The following TMEM154 variants were observed in gnomAD, a reference collection of about 807,000 sequenced individuals.
TMEM154 encodes the protein transmembrane protein 154.
In TMEM154, 27 loss-of-function variants were observed where a neutral mutation model predicts 24.5. That is an observed-to-expected ratio of 1.10 (90% CI 0.81 to 1.52). The LOEUF (loss-of-function observed/expected upper bound fraction) is 1.52, where lower values mean the gene tolerates loss of function less well. TMEM154 is among the 40% of genes most tolerant of loss of function. TMEM154 has a pLI of 0.00. For synonymous variants in TMEM154, 67 were observed against 76.8 expected (o/e 0.87, Z 0.67); for missense variants, 228 against 213.4 (o/e 1.07, Z -0.43).
At chr4:152,643,035 G>T in intron 5 of TMEM154, 53 bp downstream of exon 5, 1 of 1,321,740 alleles carries the variant, frequency 7.6e-7, no homozygotes. Context: ...AGCTGTTGCA[G>T]CCTTCTGTTA....
intron 6 of TMEM154, 51 bp downstream of exon 6, chr4:152,640,870 TCCCAATC>T: frequency 7.1e-7 from 1 of 1,400,298 alleles, no homozygotes; most frequent in Non-Finnish European, 1.0e-6. Flanking sequence ...CCACCCTGGT[TCCCAATC>T]CCCCCGCCCC....
chr4:152,635,662 C>T (rs28570654), intron 6 of TMEM154, among the ~76,000 whole-genome samples: 3,411 of 152,238 alleles, frequency 0.022, 137 homozygotes, highest in African/African-American at 0.077. Context: ...TGAAGCAACT[C>T]CTTTTTATAA....
At chr4:152,634,633 C>T (rs1281266848) in intron 6 of TMEM154, among the ~76,000 whole-genome samples, 1 of 152,194 alleles carries the variant, frequency 6.6e-6, no homozygotes, top group Non-Finnish European at 1.5e-5. Context: ...AAAGTAAGTA[C>T]ATCTTCTCTC....
At chr4:152,656,078 C>T (rs1207652844) in intron 1 of TMEM154, among the ~76,000 whole-genome samples, 1 of 152,152 alleles carries the variant, frequency 6.6e-6, no homozygotes, top group Non-Finnish European at 1.5e-5. Flanking sequence ...CTGCTGCCAC[C>T]ATCATAGTTG....
At chr4:152,656,453 A>T (rs1728494332) in intron 1 of TMEM154, among the ~76,000 whole-genome samples, 1 of 152,044 alleles carries the variant, frequency 6.6e-6, no homozygotes, top group Non-Finnish European at 1.5e-5. Flanking sequence ...ACTAACAACC[A>T]CATCCTAAGC....
At chr4:152,633,804 T>C (rs1472045557) in intron 6 of TMEM154, among the ~76,000 whole-genome samples, 3 of 151,898 alleles carry the variant, frequency 2.0e-5, no homozygotes, top group Non-Finnish European at 4.4e-5. Context: ...TGAGACACTG[T>C]CTCTACAAAA....
intron 4 of TMEM154, among the ~76,000 whole-genome samples, chr4:152,643,424 A>C (rs1050650121): frequency 2.0e-5 from 3 of 152,242 alleles, no homozygotes; most frequent in Admixed American, 2.0e-4. Flanking sequence ...AGTGGACAAA[A>C]AAGGGAACCC....
At position 152,622,745 on chromosome 4, in the gene TMEM154, T is replaced by C. The variant is rs187570308; in HGVS notation, c.*5801A>G. 22 of 152,362 alleles carry C rather than the reference T, an allele frequency of 1.4e-4. No individual in the cohort carries two copies. In the East Asian group the frequency reaches 3.9e-3, roughly 27 times the overall value. 9.4% of individuals were successfully genotyped at this position (152,362 alleles called of 1,614,324 possible). A position where few individuals can be genotyped will look rare whatever the true frequency, so the allele number is the denominator to read the frequency against. On this transcript the variant is annotated 3_prime_UTR_variant, in exon 7 of 7. Transcript: ENST00000304385. Reference sequence around the variant, plus strand: ...AATACTATACATATTATTCTCAGTATGCAAAGTAGGAGAAAAACACCTAAA... The same window carrying C: ...AATACTATACATATTATTCTCAGTACGCAAAGTAGGAGAAAAACACCTAAA...
At chr4:152,645,676 G>A (rs1371522510) in intron 3 of TMEM154, among the ~76,000 whole-genome samples, 1 of 152,192 alleles carries the variant, frequency 6.6e-6, no homozygotes, top group Non-Finnish European at 1.5e-5. Flanking sequence ...TGGAGAAATG[G>A]AGGTCCTCAG....
At chr4:152,653,617 A>G (rs1728434919) in intron 1 of TMEM154, among the ~76,000 whole-genome samples, 4 of 150,872 alleles carry the variant, frequency 2.7e-5, no homozygotes. Flanking sequence ...CTCGAACTCC[A>G]TGCCTCAAGT....
chr4:152,645,718 T>C (rs1283625893), intron 3 of TMEM154, among the ~76,000 whole-genome samples: 3 of 152,322 alleles, frequency 2.0e-5, no homozygotes, highest in East Asian at 3.9e-4. Flanking sequence ...CACCTGGAAC[T>C]GAGTTCCTGG....
chr4:152,643,580 G>C (rs1752298738), intron 4 of TMEM154, among the ~76,000 whole-genome samples: 1 of 152,334 alleles, frequency 6.6e-6, no homozygotes, highest in Non-Finnish European at 1.5e-5. Flanking sequence ...CAGTGCCCCA[G>C]GTCAAGAGGC....
intron 6 of TMEM154, among the ~76,000 whole-genome samples, chr4:152,630,895 A>T (rs748873807): frequency 3.0e-4 from 46 of 152,190 alleles, no homozygotes; most frequent in Non-Finnish European, 6.2e-4. Context: ...TCTCACTCTC[A>T]TTCACATGTA....
intron 3 of TMEM154, among the ~76,000 whole-genome samples, chr4:152,651,598 A>G (rs371363515): frequency 1.3e-5 from 2 of 152,136 alleles, no homozygotes; most frequent in Non-Finnish European, 2.9e-5. Context: ...CTTGCTCTGG[A>G]TTAGGCTTAG....
intron 1 of TMEM154, among the ~76,000 whole-genome samples, chr4:152,675,933 C>T (rs1240613589): frequency 6.6e-6 from 1 of 152,168 alleles, no homozygotes; most frequent in African/African-American, 2.4e-5. Flanking sequence ...GACTTTAAAG[C>T]TCATCCTCTC....
intron 3 of TMEM154, among the ~76,000 whole-genome samples, chr4:152,645,934 TACACACACACACACAC>T (rs10545647): frequency 1.4e-4 from 20 of 140,568 alleles, no homozygotes; most frequent in Middle Eastern, 7.2e-3. Context: ...GAAAGGAGAA[TACACACACACACACAC>T]ACACACACAC....
At chr4:152,632,356 G>A (rs2149777917) in intron 6 of TMEM154, among the ~76,000 whole-genome samples, 1 of 152,304 alleles carries the variant, frequency 6.6e-6, no homozygotes, top group South Asian at 2.1e-4. Context: ...GTTAATTCTA[G>A]TTTGATTCCA....
chr4:152,648,761 T>A (rs1415684851), intron 3 of TMEM154, among the ~76,000 whole-genome samples: 2 of 152,214 alleles, frequency 1.3e-5, no homozygotes, highest in African/African-American at 2.4e-5. Flanking sequence ...GAAAAATCAA[T>A]TTCTGGATTT....
In TMEM154 at chr4:152,618,632, T is replaced by A. The variant is rs536894668; in HGVS notation, c.*9914A>T. ...CAAAGAAGAGAAGCTCAGATCTGGGTTGGAAAGAGCTGCTTCGAGCATTTT... is the reference window on the plus strand; with the variant it reads ...CAAAGAAGAGAAGCTCAGATCTGGGATGGAAAGAGCTGCTTCGAGCATTTT... On this transcript the variant is annotated 3_prime_UTR_variant, in exon 7 of 7. Transcript: ENST00000304385. The A allele has an allele frequency of 2.6e-5, 4 of 152,316 alleles. No homozygotes were observed. The highest frequency in any genetic ancestry group is 9.6e-5 in the African/African-American group (4 of 41,572). 9.4% of individuals were successfully genotyped at this position (152,316 alleles called of 1,614,324 possible).
Sources: gnomAD v4.1 joint callset for allele counts (sites outside exome capture counted in the v4.1 genomes callset) on GRCh38, gnomAD v4.1.1 for gene constraint, MANE v1.5 for transcripts, NCBI Gene and HGNC (gene_info 2026-07-23, HGNC 2026-07-21) for gene names.